GALNT13: variants seen among roughly 807,000 people sequenced by gnomAD.
GALNT13 encodes UDP-GalNAc:polypeptide N-acetylgalactosaminyltransferase 13.
A neutral mutation model predicts 64.2 loss-of-function variants in GALNT13; 28 were observed. That is an observed-to-expected ratio of 0.44 (90% CI 0.32 to 0.60). GALNT13 has a LOEUF of 0.60. Ranked by LOEUF, GALNT13 falls within the 20% of genes least tolerant of loss-of-function variation. The pLI, the probability that GALNT13 is intolerant of heterozygous loss-of-function variation, is 0.05. For missense variants in GALNT13, 577 were observed against 669.8 expected, an observed-to-expected ratio of 0.86 and a Z score of 1.53; for synonymous variants, 214 against 224.6, an observed-to-expected ratio of 0.95 and a Z score of 0.42.
At chr2:153,700,782 C>G in the GALNT13 span, among the ~76,000 whole-genome samples, 1 of 152,098 alleles carries the variant, frequency 6.6e-6, no homozygotes, top group Non-Finnish European at 1.5e-5. Context: ...ATATACCTAA[C>G]AAGGGACACG....
chr2:153,763,974 G>C, the GALNT13 span, among the ~76,000 whole-genome samples: 2 of 152,132 alleles, frequency 1.3e-5, no homozygotes, highest in Admixed American at 1.3e-4. Context: ...CAGAAGAACA[G>C]AGGAAGATGT....
chr2:154,347,885 C>A (rs2105244603), intron 9 of GALNT13, among the ~76,000 whole-genome samples: 1 of 152,214 alleles, frequency 6.6e-6, no homozygotes, highest in Admixed American at 6.5e-5. Flanking sequence ...GCTTCCTTAT[C>A]CAGGTTCAGT....
At chr2:154,068,015 G>GA (rs973583214) in intron 3 of GALNT13, among the ~76,000 whole-genome samples, 55 of 151,886 alleles carry the variant, frequency 3.6e-4, no homozygotes, top group African/African-American at 1.2e-3. Context: ...AACTACATAG[G>GA]AAAAAATCTA....
At chr2:154,372,431 C>T (rs1383112738) in intron 9 of GALNT13, among the ~76,000 whole-genome samples, 1 of 151,966 alleles carries the variant, frequency 6.6e-6, no homozygotes, top group African/African-American at 2.4e-5. Flanking sequence ...CCCTGGAGCC[C>T]TATTAAGAAA....
the GALNT13 span, among the ~76,000 whole-genome samples, chr2:153,290,763 T>C: frequency 3.3e-5 from 5 of 152,228 alleles, no homozygotes; most frequent in African/African-American, 1.2e-4. Context: ...GAGTAGTGTT[T>C]TGATAATTTC....
At chr2:153,853,600 C>T in the GALNT13 span, among the ~76,000 whole-genome samples, 1 of 151,774 alleles carries the variant, frequency 6.6e-6, no homozygotes, top group African/African-American at 2.4e-5. Context: ...CATGCAACAA[C>T]ATGGGTGAAT....
chr2:153,485,859 C>T, the GALNT13 span, among the ~76,000 whole-genome samples: 1 of 152,342 alleles, frequency 6.6e-6, no homozygotes, highest in Non-Finnish European at 1.5e-5. Context: ...GTGATCGTGC[C>T]ACTGCACTCT....
intron 3 of GALNT13, among the ~76,000 whole-genome samples, chr2:154,022,807 T>G (rs1452547498): frequency 6.8e-6 from 1 of 148,006 alleles, no homozygotes; most frequent in Non-Finnish European, 1.5e-5. Context: ...ATTTGGGATC[T>G]TTCCTGCTTT....
intron 1 of GALNT13, among the ~76,000 whole-genome samples, chr2:153,898,426 G>A (rs995371925): frequency 1.3e-5 from 2 of 152,090 alleles, no homozygotes; most frequent in African/African-American, 4.8e-5. Flanking sequence ...TTTATGGATT[G>A]TATAGCTTTA....
the GALNT13 span, among the ~76,000 whole-genome samples, chr2:153,739,181 T>C: frequency 1.3e-5 from 2 of 151,956 alleles, no homozygotes; most frequent in Non-Finnish European, 2.9e-5. Flanking sequence ...AAATCTTAAA[T>C]CCATATTTGC....
intron 8 of GALNT13, among the ~76,000 whole-genome samples, chr2:154,295,987 C>A (rs1692901655): frequency 6.6e-6 from 1 of 152,200 alleles, no homozygotes; most frequent in Non-Finnish European, 1.5e-5. Context: ...TCAGCTTCAG[C>A]CTTTATTTCT....
chr2:153,137,423 G>T, the GALNT13 span, among the ~76,000 whole-genome samples: 17 of 151,982 alleles, frequency 1.1e-4, no homozygotes, highest in African/African-American at 3.9e-4. Flanking sequence ...CATTACTCCA[G>T]GTCTGTCCTC....
the GALNT13 span, among the ~76,000 whole-genome samples, chr2:153,150,709 G>C: frequency 1.3e-5 from 2 of 152,032 alleles, no homozygotes; most frequent in African/African-American, 4.8e-5. Flanking sequence ...AGTTTTCCCA[G>C]CACCATTTAT....
At chr2:154,129,321 A>G (rs1052435455) in intron 3 of GALNT13, among the ~76,000 whole-genome samples, 1 of 152,308 alleles carries the variant, frequency 6.6e-6, no homozygotes, top group East Asian at 1.9e-4. Flanking sequence ...TTTGAACTTT[A>G]TCCCTATTTT....
the GALNT13 span, among the ~76,000 whole-genome samples, chr2:153,254,076 C>T: frequency 7.2e-5 from 11 of 152,134 alleles, no homozygotes; most frequent in East Asian, 7.7e-4. Flanking sequence ...TGGTAGAATT[C>T]GGCTGTGAAT....
the GALNT13 span, among the ~76,000 whole-genome samples, chr2:153,630,754 T>G: frequency 8.4e-6 from 1 of 118,460 alleles, no homozygotes; most frequent in Admixed American, 9.1e-5. Context: ...AAAAAAAATT[T>G]TAGGCTTCAT....
At chr2:153,309,084 G>T in the GALNT13 span, among the ~76,000 whole-genome samples, 1 of 152,098 alleles carries the variant, frequency 6.6e-6, no homozygotes, top group Non-Finnish European at 1.5e-5. Context: ...TCTAGAAAAT[G>T]ATATCATCTC....
At chr2:153,995,659 C>A (rs1695475004) in intron 3 of GALNT13, among the ~76,000 whole-genome samples, 2 of 152,100 alleles carry the variant, frequency 1.3e-5, no homozygotes, top group Non-Finnish European at 2.9e-5. Context: ...AATCCTTGAT[C>A]ATTTCTCCGT....
chr2:153,157,723 C>T, the GALNT13 span, among the ~76,000 whole-genome samples: 1 of 152,106 alleles, frequency 6.6e-6, no homozygotes, highest in South Asian at 2.1e-4. Flanking sequence ...ATGGAAAGGG[C>T]TCATTCACTA....
Sources: allele counts gnomAD v4.1 joint callset (sites outside exome capture counted in the v4.1 genomes callset), GRCh38; gene constraint gnomAD v4.1.1; transcripts MANE v1.5; gene names NCBI Gene and HGNC (gene_info 2026-07-23, HGNC 2026-07-21).